The following TP63 variants were observed in gnomAD, a reference collection of about 807,000 sequenced individuals.
The protein encoded by TP63 is tumor protein 63.
A neutral mutation model predicts 82.8 loss-of-function variants in TP63; 17 were observed. The observed-to-expected ratio is 0.21, with a 90% CI of 0.14 to 0.31. The LOEUF is 0.31. Among genes scored for constraint, TP63 ranks in the 10% least tolerant of loss-of-function variants. The probability of loss-of-function intolerance (pLI) is 1.00; values close to 1 mark genes in which losing one functional copy is unlikely to be tolerated. For synonymous variants in TP63, 330 were observed against 321.7 expected (o/e 1.03, Z -0.28); for missense variants, 648 against 895.3 (o/e 0.72, Z 3.52).
intron 3 of TP63, among the ~76,000 whole-genome samples, chr3:189,743,503 AACAC>A (rs10524434): frequency 8.6e-5 from 13 of 150,762 alleles, no homozygotes; most frequent in Admixed American, 1.3e-4. Flanking sequence ...TACAAACACA[AACAC>A]ACACACACAC....
intron 4 of TP63, among the ~76,000 whole-genome samples, chr3:189,821,790 G>T (rs1230060302): frequency 6.6e-6 from 1 of 152,148 alleles, no homozygotes; most frequent in Non-Finnish European, 1.5e-5. Flanking sequence ...ATAAGTTCCT[G>T]ATTTAAAATG....
At chr3:189,633,713 C>A in intron 1 of TP63, among the ~76,000 whole-genome samples, 1 of 152,014 alleles carries the variant, frequency 6.6e-6, no homozygotes. Context: ...GGCCAGGGAG[C>A]AATTATTTGC....
At chr3:189,765,426 T>A (rs1213133851) in intron 3 of TP63, among the ~76,000 whole-genome samples, 4 of 133,016 alleles carry the variant, frequency 3.0e-5, no homozygotes, top group African/African-American at 1.1e-4. Context: ...AAATATCCTG[T>A]CCTCTGCTTT....
In TP63 at chr3:189,889,475, G is replaced by C; in HGVS notation, c.1643G>C (p.Ser548Thr). 6.2e-7 allele frequency: 1 copy of C among 1,614,142 alleles called. No homozygotes were observed. Among genetic ancestry groups the C allele is most frequent in the Non-Finnish European group, 8.5e-7 (1 of 1,180,004 alleles). The part of the protein sequence containing the change: ...TPPPPYPTDC[S>T]IVSFLARLGC... ...CCACCTCCGTATCCCACAGATTGCA[G>C]CATTGTCAGGTGAGTCCACAGCATG... The change falls in exon 12 of 14, where the codon AGC becomes ACC. Residue 548 changes from serine (S) to threonine (T), a missense_variant. Ser to Thr is a moderately conservative substitution (Grantham distance 58). Coordinates refer to ENST00000264731, the MANE Select transcript of TP63 (RefSeq NM_003722.5).
chr3:189,702,410 T>G (rs1379289232), intron 1 of TP63, among the ~76,000 whole-genome samples: 1 of 152,232 alleles, frequency 6.6e-6, no homozygotes, highest in Non-Finnish European at 1.5e-5. Flanking sequence ...TGTCGTAGAT[T>G]ATCTCACCAT....
Position 189,781,171 on chromosome 3 carries a change from T to C in TP63, c.325-27101T>C, listed in dbSNP as rs114890303. Among the ~76,000 whole-genome samples, 1,120 of 152,178 alleles carry C rather than the reference T, an allele frequency of 7.4e-3. 16 individuals are homozygous for C. Among genetic ancestry groups the C allele is most frequent in the African/African-American group, 0.026 (1,068 of 41,508 alleles). On this transcript the variant is annotated intron_variant, in intron 3 of 13. Transcript: ENST00000264731. Reference sequence around the variant, plus strand: ...GTAGCAAGTCACAGCATGAGAAAAGTGGAACTTTAAAAAATATAGATAGCT... The same window carrying C: ...GTAGCAAGTCACAGCATGAGAAAAGCGGAACTTTAAAAAATATAGATAGCT...
chr3:189,820,708 T>C (rs1728711541), intron 4 of TP63, among the ~76,000 whole-genome samples: 1 of 152,246 alleles, frequency 6.6e-6, no homozygotes, highest in Non-Finnish European at 1.5e-5. Flanking sequence ...GCTCTGATGG[T>C]ATATTTTTAT....
At chr3:189,673,908 T>G (rs1715157479) in intron 1 of TP63, among the ~76,000 whole-genome samples, 1 of 152,100 alleles carries the variant, frequency 6.6e-6, no homozygotes, top group South Asian at 2.1e-4. Context: ...TACAGCAAAT[T>G]GAAATAGTTT....
intron 4 of TP63, among the ~76,000 whole-genome samples, chr3:189,854,188 A>G (rs1040843457): frequency 1.3e-5 from 2 of 152,180 alleles, no homozygotes; most frequent in East Asian, 3.8e-4. Context: ...TATGATGGCA[A>G]CTGACTAGCA....
At chr3:189,676,566 G>GCA (rs1473770924) in intron 1 of TP63, among the ~76,000 whole-genome samples, 1 of 151,624 alleles carries the variant, frequency 6.6e-6, no homozygotes, top group African/African-American at 2.4e-5. Flanking sequence ...ATGTGTGTAT[G>GCA]TGTGTGTGTG....
At chr3:189,670,611 A>G (rs1357471828) in intron 1 of TP63, among the ~76,000 whole-genome samples, 1 of 152,118 alleles carries the variant, frequency 6.6e-6, no homozygotes, top group African/African-American at 2.4e-5. Context: ...AAAACAGGAC[A>G]CATAAAAGAT....
chr3:189,894,196 T>G lies in TP63; in HGVS notation c.1747-10T>G, dbSNP rs1378090342. The G allele has an allele frequency of 1.2e-6, 2 of 1,614,162 alleles. No homozygotes were observed. Among genetic ancestry groups the G allele is most frequent in the Non-Finnish European group, 1.7e-6 (2 of 1,180,018 alleles). On this transcript the variant is annotated splice_polypyrimidine_tract_variant and intron_variant, in intron 13 of 13. Coordinates refer to ENST00000264731, the MANE Select transcript of TP63 (RefSeq NM_003722.5). ...TTTCATTCTCCATGACACCTTCCCCTGTTGCACAGGATCTGGCAAGTCTGA... is the reference window on the plus strand; with the variant it reads ...TTTCATTCTCCATGACACCTTCCCCGGTTGCACAGGATCTGGCAAGTCTGA...
intron 4 of TP63, among the ~76,000 whole-genome samples, chr3:189,850,359 CTGAGTA>C (rs1715469200): frequency 6.6e-6 from 1 of 152,092 alleles, no homozygotes; most frequent in East Asian, 1.9e-4. Context: ...ATTAAGACAT[CTGAGTA>C]TAAGACAAAA....
intron 4 of TP63, among the ~76,000 whole-genome samples, chr3:189,824,960 T>C (rs1729185522): frequency 6.6e-6 from 1 of 152,170 alleles, no homozygotes; most frequent in Non-Finnish European, 1.5e-5. Flanking sequence ...TCCTCTCCTC[T>C]GTAAGGATAT....
At chr3:189,749,475 C>G (rs1721633075) in intron 3 of TP63, among the ~76,000 whole-genome samples, 1 of 152,098 alleles carries the variant, frequency 6.6e-6, no homozygotes, top group South Asian at 2.1e-4. Flanking sequence ...AAATGCAAAT[C>G]AAAACCAAAA....
At chr3:189,759,407 ACT>A (rs1270217448) in intron 3 of TP63, among the ~76,000 whole-genome samples, 1 of 152,062 alleles carries the variant, frequency 6.6e-6, no homozygotes, top group Non-Finnish European at 1.5e-5. Flanking sequence ...GAAGAGGAAA[ACT>A]CTGTAAAATA....
At chr3:189,700,201 A>T (rs1056540378) in intron 1 of TP63, among the ~76,000 whole-genome samples, 1 of 152,124 alleles carries the variant, frequency 6.6e-6, no homozygotes, top group Non-Finnish European at 1.5e-5. Flanking sequence ...GATTTTTCCA[A>T]TTGAGGTTTT....
At chr3:189,598,557 C>T in the TP63 span, among the ~76,000 whole-genome samples, 1 of 152,090 alleles carries the variant, frequency 6.6e-6, no homozygotes, top group East Asian at 1.9e-4. Flanking sequence ...CCAAAAAAGG[C>T]ACAAACAAAT....
intron 2 of TP63, 43 bp from the exon 3 acceptor site, chr3:189,738,598 TC>T: frequency 6.2e-7 from 1 of 1,613,914 alleles, no homozygotes; most frequent in South Asian, 1.1e-5. Context: ...TATATTTTAG[TC>T]CCTTTCCATG....
Sources: gnomAD v4.1 joint callset for allele counts (sites outside exome capture counted in the v4.1 genomes callset) on GRCh38, gnomAD v4.1.1 for gene constraint, MANE v1.5 for transcripts, NCBI Gene and HGNC (gene_info 2026-07-23, HGNC 2026-07-21) for gene names.